Variants in NOVA1 observed in about 807,000 individuals in gnomAD.
NOVA1 encodes RNA-binding protein Nova-1.
NOVA1 carries 7 observed loss-of-function variants against 38.0 expected under a neutral mutation model. That is an observed-to-expected ratio of 0.18 (90% CI 0.10 to 0.35). The LOEUF (loss-of-function observed/expected upper bound fraction) is 0.35, where lower values mean the gene tolerates loss of function less well. Ranked by LOEUF, NOVA1 falls within the 10% of genes least tolerant of loss-of-function variation. The pLI is 1.00. For missense variants in NOVA1, 460 were observed against 616.0 expected (o/e 0.75, Z 2.68); for synonymous variants, 270 against 232.5 (o/e 1.16, Z -1.47).
Position 26,472,337 on chromosome 14 carries a change from T to G in NOVA1, c.502A>C (p.Thr168Pro). Residue 168 changes from threonine (T) to proline (P), a missense_variant, in exon 4 of 5, where the codon ACC becomes CCC. Transcript: ENST00000539517. Reference sequence around the variant, plus strand: ...TACTGTACCTGATTAGCTCTGGAGGTGGTCATGGGATCAGATGGAGAGGAC... The same window carrying G: ...TACTGTACCTGATTAGCTCTGGAGGGGGTCATGGGATCAGATGGAGAGGAC... ...TKSSPSDPMT[T>P]SRANQVKIIV... 1 of 1,594,686 alleles carries G rather than the reference T, an allele frequency of 6.3e-7. No homozygotes were observed. Among genetic ancestry groups the G allele is most frequent in the Non-Finnish European group, 8.6e-7 (1 of 1,167,234 alleles).
chr14:26,593,534 ACTT>A (rs923318849), intron 2 of NOVA1: 1 of 151,830 alleles, frequency 6.6e-6, no homozygotes. Flanking sequence ...TAAAGTATAG[ACTT>A]CTTTTATCCA....
chr14:26,453,901 C>T (rs1882936980), intron 4 of NOVA1, among the ~76,000 whole-genome samples: 1 of 152,136 alleles, frequency 6.6e-6, no homozygotes. Flanking sequence ...AAAGCAATTC[C>T]TATCAACAGT....
At chr14:26,454,519 A>G (rs558929807) in intron 4 of NOVA1, among the ~76,000 whole-genome samples, 2 of 152,262 alleles carry the variant, frequency 1.3e-5, no homozygotes, top group East Asian at 3.9e-4. Flanking sequence ...ATGAGACTGC[A>G]TTTTTTGGCA....
chr14:26,583,474 T>A (rs1226169039), intron 2 of NOVA1, among the ~76,000 whole-genome samples: 1 of 151,540 alleles, frequency 6.6e-6, no homozygotes, highest in African/African-American at 2.4e-5. Flanking sequence ...AAATAAAGAT[T>A]ACACAGTGAA....
intron 2 of NOVA1, among the ~76,000 whole-genome samples, chr14:26,538,372 T>G (rs879765899): frequency 6.6e-6 from 1 of 152,056 alleles, no homozygotes; most frequent in South Asian, 2.1e-4. Flanking sequence ...GAAAATGACA[T>G]GATGTCATTT....
chr14:26,594,488 G>A (rs1894054024), intron 2 of NOVA1: 1 of 151,828 alleles, frequency 6.6e-6, no homozygotes, highest in Non-Finnish European at 1.5e-5. Context: ...CTGAATTAAC[G>A]TTTTTGACAG....
At chr14:26,584,355 G>A (rs912818240) in intron 2 of NOVA1, among the ~76,000 whole-genome samples, 1 of 151,256 alleles carries the variant, frequency 6.6e-6, no homozygotes, top group Non-Finnish European at 1.5e-5. Flanking sequence ...GAACAACTGG[G>A]CAATCCATCC....
intron 2 of NOVA1, among the ~76,000 whole-genome samples, chr14:26,532,652 T>G (rs1469474851): frequency 6.6e-6 from 1 of 152,192 alleles, no homozygotes; most frequent in Non-Finnish European, 1.5e-5. Context: ...GAGCTTGTAT[T>G]ACTGATGTAT....
At chr14:26,596,582 G>C (rs1024886917) in intron 1 of NOVA1, 24 of 1,288,964 alleles carry the variant, frequency 1.9e-5, no homozygotes, top group Non-Finnish European at 2.4e-5. Context: ...CCTCTGCTTC[G>C]ATGCATTGGG....
At chr14:26,494,358 C>G (rs1886596718) in intron 2 of NOVA1, among the ~76,000 whole-genome samples, 1 of 152,138 alleles carries the variant, frequency 6.6e-6, no homozygotes, top group Admixed American at 6.6e-5. Flanking sequence ...GAAATTTTGG[C>G]TATTTTCCTT....
intron 3 of NOVA1, among the ~76,000 whole-genome samples, chr14:26,478,746 T>C (rs1885195886): frequency 6.6e-6 from 1 of 151,956 alleles, no homozygotes; most frequent in South Asian, 2.1e-4. Flanking sequence ...TAAGGGATAC[T>C]TCTTTTAAGA....
Position 26,573,419 on chromosome 14 carries a change from C to T in NOVA1, c.280+21991G>A, listed in dbSNP as rs139597453. On this transcript the variant is annotated intron_variant, in intron 2 of 4. Transcript: ENST00000539517. ...GAGAGAAAGTGACCACAGGTATTAC[C>T]AGAATTAAAGAAAGGATTTAGCTTT... Among the ~76,000 whole-genome samples the T allele has an allele frequency of 2.4e-4, 36 of 151,840 alleles. 1 individual carries two copies. The highest frequency in any genetic ancestry group is 8.7e-4 in the African/African-American group (36 of 41,432).
At chr14:26,577,636 C>A (rs149563773) in intron 2 of NOVA1, among the ~76,000 whole-genome samples, 2 of 152,038 alleles carry the variant, frequency 1.3e-5, no homozygotes, top group Non-Finnish European at 2.9e-5. Flanking sequence ...AGAATTGTGA[C>A]AGATTGGATC....
chr14:26,585,769 C>T lies in NOVA1; in HGVS notation c.280+9641G>A, dbSNP rs1594584090. ...TCTCCATAATATTGGATTTCAGTTT[C>T]TTTCACACAGGATAGCATGCTAAAC... On this transcript the variant is annotated intron_variant, in intron 2 of 4. Transcript: ENST00000539517. 3.4e-5 allele frequency among the ~76,000 whole-genome samples: 5 copies of T among 146,598 alleles called. 1 individual carries two copies. The South Asian group carries it at 1.1e-3, about 32-fold the overall frequency.
In NOVA1 at chr14:26,488,481, G is replaced by C. The variant is rs138316426; in HGVS notation, c.281-8338C>G. On this transcript the variant is annotated intron_variant, in intron 2 of 4. Coordinates refer to ENST00000539517, the MANE Select transcript of NOVA1 (RefSeq NM_002515.3). ...AGGAATCTAACTTCTGAAGAACCCT[G>C]AAAACAGATATATCTGAAAATTTTA... Among the ~76,000 whole-genome samples, 281 of 152,154 alleles carry C rather than the reference G, an allele frequency of 1.8e-3. 1 individual carries two copies. The highest frequency in any genetic ancestry group is 3.0e-3 in the Admixed American group (46 of 15,286).
At chr14:26,518,710 G>T (rs1354622773) in intron 2 of NOVA1, among the ~76,000 whole-genome samples, 1 of 151,946 alleles carries the variant, frequency 6.6e-6, no homozygotes, top group Non-Finnish European at 1.5e-5. Flanking sequence ...GTTAACCATA[G>T]TAACCCTATT....
At chr14:26,473,593 G>A (rs1016439572) in intron 3 of NOVA1, among the ~76,000 whole-genome samples, 9 of 151,728 alleles carry the variant, frequency 5.9e-5, no homozygotes, top group African/African-American at 1.4e-4. Flanking sequence ...TGTAATTTGC[G>A]TACAATAAAG....
chr14:26,509,346 CTAAG>C (rs1236013491), intron 2 of NOVA1, among the ~76,000 whole-genome samples: 1 of 151,818 alleles, frequency 6.6e-6, no homozygotes, highest in Non-Finnish European at 1.5e-5. Flanking sequence ...ATTGAATATC[CTAAG>C]TAAGACTCAT....
At chr14:26,592,949 C>G (rs1893950111) in intron 2 of NOVA1, 1 of 151,590 alleles carries the variant, frequency 6.6e-6, no homozygotes, top group African/African-American at 2.4e-5. Context: ...TGAGAAAATC[C>G]ATTAGGTTAT....
Sources: allele counts gnomAD v4.1 joint callset (sites outside exome capture counted in the v4.1 genomes callset), GRCh38; gene constraint gnomAD v4.1.1; transcripts MANE v1.5; gene names NCBI Gene and HGNC (gene_info 2026-07-23, HGNC 2026-07-21).